CNIH3: variants seen among roughly 807,000 people sequenced by gnomAD.
CNIH3 encodes the protein cornichon family AMPA receptor auxiliary protein 3.
Under a neutral mutation model 24.1 loss-of-function variants are expected in CNIH3, and 14 were observed. The ratio of observed to expected loss-of-function variants is 0.58; its 90% CI spans 0.38 to 0.91. The LOEUF is 0.91. Ranked by LOEUF, CNIH3 falls within the 40% of genes least tolerant of loss-of-function variation. CNIH3 has a pLI of 0.00. For synonymous variants in CNIH3, 68 were observed against 73.8 expected (o/e 0.92, Z 0.40); for missense variants, 178 against 196.8 (o/e 0.90, Z 0.57).
rs556982330 is a variant in CNIH3, at chr1:224,572,630, G to GT, written n.516+6380dup. Among the ~76,000 whole-genome samples, 1,381 of 141,036 alleles carry GT rather than the reference G, an allele frequency of 9.8e-3. 17 individuals are homozygous for GT. Among genetic ancestry groups the GT allele is most frequent in the East Asian group, 0.051 (249 of 4,900 alleles). 92.5% of individuals were successfully genotyped at this position (141,036 alleles called of 152,430 possible). A position where few individuals can be genotyped will look rare whatever the true frequency, so the allele number is the denominator to read the frequency against. ...ATCCCTTGATGAATTTTAGGATAGGGTTTTTTTTTTTTTTAATATTTCTGC... is the reference window on the plus strand; with the variant it reads ...ATCCCTTGATGAATTTTAGGATAGGGTTTTTTTTTTTTTTTAATATTTCTGC... On this transcript the variant is annotated intron_variant and non_coding_transcript_variant, in intron 4 of 5. Coordinates refer to the CNIH3 transcript ENST00000471578.
chr1:224,477,773 T>C (rs1276637466), intron 1 of CNIH3, among the ~76,000 whole-genome samples: 1 of 152,232 alleles, frequency 6.6e-6, no homozygotes, highest in Non-Finnish European at 1.5e-5. Context: ...TACCTTCAGA[T>C]AATTTCTTAT....
chr1:224,581,434 G>A (rs1288559612), intron 4 of CNIH3, among the ~76,000 whole-genome samples: 1 of 152,040 alleles, frequency 6.6e-6, no homozygotes, highest in Non-Finnish European at 1.5e-5. Flanking sequence ...TTCCTTTCCT[G>A]TTTCTTTTTC....
At chr1:224,660,451 TAAAC>T (rs1685295482) in intron 1 of CNIH3, among the ~76,000 whole-genome samples, 1 of 152,224 alleles carries the variant, frequency 6.6e-6, no homozygotes, top group African/African-American at 2.4e-5. Context: ...ACTTCTGAAT[TAAAC>T]AAAATTATTA....
chr1:224,576,256 C>G (rs1413832409), intron 4 of CNIH3, among the ~76,000 whole-genome samples: 1 of 152,190 alleles, frequency 6.6e-6, no homozygotes, highest in Admixed American at 6.5e-5. Context: ...AGCCAAGAGA[C>G]AGTCAATATA....
chr1:224,580,549 A>G (rs906466959), intron 4 of CNIH3, among the ~76,000 whole-genome samples: 1 of 152,194 alleles, frequency 6.6e-6, no homozygotes, highest in Non-Finnish European at 1.5e-5. Flanking sequence ...CATGTTACAC[A>G]TGAAAAGGAG....
chr1:224,511,191 G>T (rs769104435), upstream of CNIH3, among the ~76,000 whole-genome samples: 2 of 152,198 alleles, frequency 1.3e-5, no homozygotes, highest in South Asian at 4.1e-4. Context: ...CACAGTTGTG[G>T]TTAGGCCAGA....
chr1:224,596,762 C>T (rs1681997181), intron 3 of CNIH3, among the ~76,000 whole-genome samples: 1 of 152,136 alleles, frequency 6.6e-6, no homozygotes, highest in African/African-American at 2.4e-5. Context: ...TTTGTCCATT[C>T]CCAAAGCAGC....
chr1:224,473,670 A>AAG (rs142766780), intron 1 of CNIH3, among the ~76,000 whole-genome samples: 185 of 151,182 alleles, frequency 1.2e-3, no homozygotes, highest in African/African-American at 4.1e-3. Context: ...ACTAGAGCTA[A>AAG]AGAGAGAGAG....
chr1:224,608,592 C>CTG, intron 3 of CNIH3, among the ~76,000 whole-genome samples: 1 of 152,324 alleles, frequency 6.6e-6, no homozygotes, highest in South Asian at 2.1e-4. Context: ...CTATAGATAA[C>CTG]ATAACTGGTT....
chr1:224,671,557 C>T (rs1344745099), intron 1 of CNIH3, among the ~76,000 whole-genome samples: 3 of 152,216 alleles, frequency 2.0e-5, no homozygotes, highest in African/African-American at 4.8e-5. Flanking sequence ...CCCAGCACTG[C>T]CCTCTTCAAC....
intron 3 of CNIH3, among the ~76,000 whole-genome samples, chr1:224,555,084 G>A (rs919265953): frequency 1.2e-4 from 18 of 152,244 alleles, no homozygotes; most frequent in African/African-American, 4.3e-4. Flanking sequence ...TCAATCCCCC[G>A]TGGATACTGT....
At chr1:224,636,811 C>T (rs967815647) in intron 1 of CNIH3, among the ~76,000 whole-genome samples, 1 of 152,098 alleles carries the variant, frequency 6.6e-6, no homozygotes, top group African/African-American at 2.4e-5. Flanking sequence ...CAGCCAATCT[C>T]CATATTTAAG....
In CNIH3 at chr1:224,458,866, G is replaced by A. The variant is rs191136982; in HGVS notation, n.203+24004G>A. The stretch of plus-strand genomic sequence containing the variant: ...TCCACAGTTAGGAGAGGCCCTGCTT[G>A]CACTTCTAATACAGTCCCGGAAAGA... On this transcript the variant is annotated intron_variant and non_coding_transcript_variant, in intron 1 of 5. Transcript: ENST00000471578. The surrounding 1 kb of genome is among the most constrained non-coding windows in gnomAD (Gnocchi z 4.3). 1.3e-5 allele frequency among the ~76,000 whole-genome samples: 2 copies of A among 152,324 alleles called. No individual in the cohort carries two copies. The highest frequency in any genetic ancestry group is 1.9e-4 in the East Asian group (1 of 5,188).
In CNIH3 at chr1:224,617,007, G is replaced by T. The variant is rs1683035148; in HGVS notation, c.-168G>T. The stretch of plus-strand genomic sequence containing the variant: ...TCGCCGGAGCCTGCGGGAATCCAGC[G>T]CTTATTCGCTGACCCTCGAGTCGCT... On this transcript the variant is annotated 5_prime_UTR_variant, in exon 1 of 6. Transcript: ENST00000272133. 7.1e-7 allele frequency: 1 copy of T among 1,413,652 alleles called. No individual in the cohort carries two copies. The highest frequency in any genetic ancestry group is 1.4e-5 in the African/African-American group (1 of 69,148). 87.6% of individuals were successfully genotyped at this position (1,413,652 alleles called of 1,614,324 possible).
chr1:224,738,983 C>G (rs1689733482), intron 5 of CNIH3, among the ~76,000 whole-genome samples: 1 of 152,164 alleles, frequency 6.6e-6, no homozygotes, highest in East Asian at 1.9e-4. Flanking sequence ...ATAAAGAATC[C>G]ACTGCACCCC....
chr1:224,631,376 T>C (rs1359141172), intron 1 of CNIH3, among the ~76,000 whole-genome samples: 1 of 152,162 alleles, frequency 6.6e-6, no homozygotes, highest in Non-Finnish European at 1.5e-5. Flanking sequence ...TGAACTCAGC[T>C]CCCACCACTA....
intron 1 of CNIH3, among the ~76,000 whole-genome samples, chr1:224,634,439 C>T (rs774792300): frequency 2.0e-5 from 3 of 151,880 alleles, no homozygotes; most frequent in South Asian, 2.1e-4. Context: ...CATGGTGGCA[C>T]GCGCCTGTAG....
At chr1:224,568,239 G>T (rs144764251) in intron 4 of CNIH3, among the ~76,000 whole-genome samples, 2 of 151,958 alleles carry the variant, frequency 1.3e-5, no homozygotes, top group African/African-American at 4.8e-5. Flanking sequence ...GCAGTGAGCC[G>T]AGATCACGTC....
At position 224,454,439 on chromosome 1, in the gene CNIH3, A is replaced by G. The variant is rs965687053; in HGVS notation, n.203+19577A>G. On this transcript the variant is annotated intron_variant and non_coding_transcript_variant, in intron 1 of 5. Coordinates refer to the CNIH3 transcript ENST00000471578. ...GGAGAACCAGTTCTCTCTTGTTTCT[A>G]TTGGTGTAGTCTGTTTACATTTCTG... 3.1e-5 allele frequency: 15 copies of G among 491,008 alleles called. No homozygotes were observed. In the South Asian group the frequency reaches 5.2e-4, roughly 17 times the overall value. The allele number at this position is 491,008 out of a possible 1,614,324, so 30.4% of individuals were successfully genotyped here.
Sources: gnomAD v4.1 joint callset for allele counts (sites outside exome capture counted in the v4.1 genomes callset) on GRCh38, gnomAD v4.1.1 for gene constraint, Gnocchi (gnomAD v3.1) non-coding constraint, MANE v1.5 for transcripts, NCBI Gene and HGNC (gene_info 2026-07-23, HGNC 2026-07-21) for gene names.